Variants in FRY observed in about 807,000 individuals in gnomAD.
The protein encoded by FRY is FRY microtubule binding protein, also known as protein furry homolog.
FRY carries 128 observed loss-of-function variants against 348.4 expected under a neutral mutation model. The ratio of observed to expected loss-of-function variants is 0.37; its 90% confidence interval spans 0.32 to 0.43. The LOEUF (loss-of-function observed/expected upper bound fraction) is 0.43. FRY is among the 20% of genes least tolerant of loss of function. The probability of loss-of-function intolerance (pLI) is 1.00; values close to 1 mark genes in which losing one functional copy is unlikely to be tolerated. For synonymous variants in FRY, 1,370 were observed against 1,374.7 expected, an observed-to-expected ratio of 1.00 and a Z score of 0.08; for missense variants, 2,736 against 3,695.2, an observed-to-expected ratio of 0.74 and a Z score of 6.73.
In FRY at chr13:32,070,926, A is replaced by T. The variant is rs552661360; in HGVS notation, c.71-7908A>T. Among the ~76,000 whole-genome samples the T allele has an allele frequency of 2.6e-5, 4 of 152,336 alleles. No individual in the cohort carries two copies. The East Asian group carries it at 7.7e-4, about 29-fold the overall frequency. On this transcript the variant is annotated intron_variant, in intron 1 of 60. Transcript: ENST00000542859. The stretch of plus-strand genomic sequence containing the variant: ...AAGGGATCCAGTTTCAGCTTTCTAC[A>T]TATGGCTAGCCAGTTTTCCCAGCAC...
At chr13:32,259,875 G>A (rs927925752) in intron 51 of FRY, among the ~76,000 whole-genome samples, 2 of 152,018 alleles carry the variant, frequency 1.3e-5, no homozygotes, top group Non-Finnish European at 2.9e-5. Context: ...AAAAACATAT[G>A]GTGGTAATTT....
chr13:32,262,560 G>C (rs949544160), intron 53 of FRY, 85 bp downstream of exon 53: 7 of 1,012,512 alleles, frequency 6.9e-6, no homozygotes, highest in Middle Eastern at 2.1e-4. Context: ...AATTCTTAAG[G>C]GGTCTCAAGT....
At chr13:32,245,095 G>A (rs999646597) in intron 47 of FRY, among the ~76,000 whole-genome samples, 3 of 152,004 alleles carry the variant, frequency 2.0e-5, no homozygotes, top group Non-Finnish European at 2.9e-5. Flanking sequence ...GACTACAGGC[G>A]TGTGCCACCA....
chr13:32,222,939 C>T (rs9533914), intron 36 of FRY, among the ~76,000 whole-genome samples: 11,653 of 152,142 alleles, frequency 0.077, 565 homozygotes, highest in Non-Finnish European at 0.1. Flanking sequence ...TTGTCCTGAG[C>T]AAACTGGAAA....
rs191942117 is a variant in FRY, at chr13:32,053,260, G to C, written c.70+21395G>C. Among the ~76,000 whole-genome samples, 21 of 152,246 alleles carry C rather than the reference G, an allele frequency of 1.4e-4. No homozygotes were observed. The East Asian group carries it at 4.0e-3, about 29-fold the overall frequency. On this transcript the variant is annotated intron_variant, in intron 1 of 60. Transcript: ENST00000542859. The stretch of plus-strand genomic sequence containing the variant: ...GAAAGTCCCAGTCTTAGACAGAAGA[G>C]TTATTTTATAATATAAAATAATGAC...
intron 1 of FRY, among the ~76,000 whole-genome samples, chr13:32,033,724 C>A (rs1872361518): frequency 6.6e-6 from 1 of 152,178 alleles, no homozygotes; most frequent in East Asian, 1.9e-4. Flanking sequence ...CAGTCCCTGC[C>A]CACTATATTA....
intron 29 of FRY, among the ~76,000 whole-genome samples, chr13:32,199,268 G>T (rs2138316143): frequency 6.6e-6 from 1 of 152,284 alleles, no homozygotes; most frequent in East Asian, 1.9e-4. Flanking sequence ...CTGGAGGATT[G>T]AGTGCCTCCA....
rs148436517 is a variant in FRY, at chr13:32,068,449, G to T, written c.71-10385G>T. On this transcript the variant is annotated intron_variant, in intron 1 of 60. Coordinates refer to ENST00000542859, the MANE Select transcript of FRY (RefSeq NM_023037.3). The stretch of plus-strand genomic sequence containing the variant: ...TCAATGTAACCTCATCTTCCTTTGC[G>T]CACGGATCTTGGCAGACATTCTTTC... Among the ~76,000 whole-genome samples, 208 of 152,228 alleles carry T rather than the reference G, an allele frequency of 1.4e-3. 2 individuals are homozygous for T. The East Asian group carries it at 0.033, about 24-fold the overall frequency.
intron 3 of FRY, among the ~76,000 whole-genome samples, chr13:32,105,824 A>G (rs1470645390): frequency 6.6e-6 from 1 of 152,120 alleles, no homozygotes; most frequent in Non-Finnish European, 1.5e-5. Flanking sequence ...ACTGGCATGA[A>G]CAACAGGGTA....
intron 28 of FRY, among the ~76,000 whole-genome samples, chr13:32,193,597 T>C (rs949313026): frequency 1.3e-5 from 2 of 149,820 alleles, no homozygotes; most frequent in Non-Finnish European, 3.0e-5. Context: ...CGTCCTTTTT[T>C]TTTTTTGAGA....
At position 32,234,711 on chromosome 13, in the gene FRY, C is replaced by A. The variant is rs1223829067; in HGVS notation, c.5665C>A (p.Leu1889Ile). Residue 1889 changes from leucine (L) to isoleucine (I), a missense_variant, in exon 42 of 61, where the codon CTT becomes ATT. This residue lies in a region of FRY where 794 missense variants were observed against 977.0 expected (regional missense o/e 0.81). Transcript: ENST00000542859. ...QPLSAHALSDLLSRLVEVIGE... is the reference protein window; with the variant it reads ...QPLSAHALSDILSRLVEVIGE... ...TCTGTCAGCACATGCCTTATCTGAC[C>A]TTCTCTCAAGATTGGTGGAGGTGAT... 8 of 1,614,092 alleles carry A rather than the reference C, an allele frequency of 5.0e-6. No homozygotes were observed. Among genetic ancestry groups the A allele is most frequent in the African/African-American group, 1.3e-5 (1 of 75,018 alleles).
At chr13:32,225,151 A>G (rs1029398) in intron 38 of FRY, 115 bp downstream of exon 38, 171,494 of 728,318 alleles carry the variant, frequency 0.24, 21,510 homozygotes, top group African/African-American at 0.33. Context: ...GGAATATTCT[A>G]TCTCCACCAT....
intron 15 of FRY, among the ~76,000 whole-genome samples, chr13:32,156,642 T>C (rs1411295064): frequency 6.7e-6 from 1 of 149,298 alleles, no homozygotes; most frequent in Non-Finnish European, 1.5e-5. Context: ...GCATGAGAAA[T>C]AATCATGAAT....
rs145982679 is a variant in FRY at position 32,298,155 on chromosome 13, C to T, written c.*2695C>T. The stretch of plus-strand genomic sequence containing the variant: ...ATTAATTGTAGGCATCACACACATG[C>T]GTGAACATCCAGAGTTAGGTCTCAA... On this transcript the variant is annotated 3_prime_UTR_variant, in exon 61 of 61. Coordinates refer to ENST00000542859, the MANE Select transcript of FRY (RefSeq NM_023037.3). The T allele has an allele frequency of 6.6e-6, 1 of 152,280 alleles. No homozygotes were observed. Among genetic ancestry groups the T allele is most frequent in the East Asian group, 1.9e-4 (1 of 5,180 alleles). 9.4% of individuals were successfully genotyped at this position (152,280 alleles called of 1,614,324 possible). A position where few individuals can be genotyped will look rare whatever the true frequency, so the allele number is the denominator to read the frequency against.
intron 59 of FRY, chr13:32,291,935 AG>A: frequency 2.2e-6 from 1 of 447,900 alleles, no homozygotes; most frequent in South Asian, 1.6e-5. Context: ...TGAATGGATG[AG>A]GAGTTGCTTC....
intron 2 of FRY, 113 bp downstream of exon 2, chr13:32,079,146 T>C (rs904743515): frequency 1.2e-6 from 1 of 810,032 alleles, no homozygotes; most frequent in African/African-American, 1.7e-5. Flanking sequence ...TTGTAAAGGT[T>C]CTTTAATATC....
chr13:32,262,334 T>G lies in FRY; in HGVS notation c.7638T>G (p.Ser2546=). The G allele has an allele frequency of 6.2e-7, 1 of 1,613,834 alleles. No homozygotes were observed. Among genetic ancestry groups the G allele is most frequent in the East Asian group, 2.2e-5 (1 of 44,870 alleles). ...AACAGATCATGACTCTCTCCCCCTC[T>G]GAAGAGACGAATCCCATGGAGCTGC... The part of the protein sequence containing the change: ...HSDLIMTLSP[S]EETNPMELLT... The change falls in exon 53 of 61, where the codon TCT becomes TCG. Residue 2546 remains serine (S), a synonymous_variant. Coordinates refer to ENST00000542859, the MANE Select transcript of FRY (RefSeq NM_023037.3).
intron 1 of FRY, chr13:32,061,130 C>T (rs1313634332): frequency 9.4e-6 from 5 of 533,198 alleles, no homozygotes; most frequent in East Asian, 5.4e-5. Flanking sequence ...TTGTTGGAGA[C>T]GATCCTGTGT....
At chr13:32,079,462 G>C (rs1875337624) in intron 2 of FRY, among the ~76,000 whole-genome samples, 1 of 152,130 alleles carries the variant, frequency 6.6e-6, no homozygotes, top group Non-Finnish European at 1.5e-5. Context: ...TGGACTTCGA[G>C]TTTGAGAAGT....
Sources: gnomAD v4.1 joint callset for allele counts (sites outside exome capture counted in the v4.1 genomes callset) on GRCh38, gnomAD v4.1.1 for gene constraint, gnomAD v4.1.1 regional missense constraint, MANE v1.5 for transcripts, NCBI Gene and HGNC (gene_info 2026-07-23, HGNC 2026-07-21) for gene names.